The following PCNX4 variants were observed in gnomAD, a reference collection of about 807,000 sequenced individuals.
PCNX4 encodes the protein pecanex-like protein 4.
Under a neutral mutation model 107.2 loss-of-function variants are expected in PCNX4, and 103 were observed. That is an observed-to-expected ratio of 0.96 (90% CI 0.82 to 1.13). The LOEUF is 1.13. Ranked by LOEUF, PCNX4 falls within the 50% of genes most tolerant of loss-of-function variation. The pLI, the probability that PCNX4 is intolerant of heterozygous loss-of-function variation, is 0.00. For synonymous variants in PCNX4, 541 were observed against 481.7 expected (o/e 1.12, Z -1.61); for missense variants, 1,528 against 1,379.4 (o/e 1.11, Z -1.71).
Position 60,132,849 on chromosome 14 carries a change from G to GTATA in PCNX4, c.3268-1121_3268-1120insTATA, listed in dbSNP as rs1896180123. Among the ~76,000 whole-genome samples the GTATA allele has an allele frequency of 2.0e-5, 3 of 152,248 alleles. No individual in the cohort carries two copies. In the South Asian group the frequency reaches 6.2e-4, roughly 32 times the overall value. Reference sequence around the variant, plus strand: ...AGTTGCCAATAAGTACATGAGAAGTGCTCCGTATAATTAGTCATCAGGGAA... The same window carrying GTATA: ...AGTTGCCAATAAGTACATGAGAAGTGTATACTCCGTATAATTAGTCATCAGGGAA... On this transcript the variant is annotated intron_variant, in intron 10 of 10. Transcript: ENST00000406854.
chr14:60,113,719 A>G (rs1895783729), intron 2 of PCNX4, among the ~76,000 whole-genome samples: 1 of 152,142 alleles, frequency 6.6e-6, no homozygotes, highest in African/African-American at 2.4e-5. Context: ...TGGGTATTCA[A>G]GTACAATTAT....
At chr14:60,103,191 A>G (rs1895565813) in intron 1 of PCNX4, among the ~76,000 whole-genome samples, 1 of 152,174 alleles carries the variant, frequency 6.6e-6, no homozygotes, top group South Asian at 2.1e-4. Flanking sequence ...GTTTGGCTCA[A>G]TCTTTAAGAT....
chr14:60,096,631 A>G (rs1895430214), intron 1 of PCNX4, among the ~76,000 whole-genome samples: 1 of 152,226 alleles, frequency 6.6e-6, no homozygotes, highest in South Asian at 2.1e-4. Flanking sequence ...GAGCTAGCCA[A>G]TAAATAACTG....
At chr14:60,096,848 G>A (rs1824369165) in intron 1 of PCNX4, among the ~76,000 whole-genome samples, 1 of 152,148 alleles carries the variant, frequency 6.6e-6, no homozygotes, top group African/African-American at 2.4e-5. Flanking sequence ...AATTTAAAAG[G>A]CCTGTGTAAC....
intron 1 of PCNX4, among the ~76,000 whole-genome samples, chr14:60,095,308 CATAAG>C (rs1206482475): frequency 3.3e-5 from 5 of 152,110 alleles, no homozygotes; most frequent in Admixed American, 6.5e-5. Context: ...CTGCATTTTA[CATAAG>C]ATAACAGACA....
intron 1 of PCNX4, 136 bp from the exon 2 acceptor site, chr14:60,107,450 A>C: frequency 1.8e-6 from 1 of 569,588 alleles, no homozygotes. Flanking sequence ...TATGTGCCAG[A>C]AAGGGGTCTG....
In PCNX4 at chr14:60,133,183, GAAAC is replaced by G. The variant is rs779062102; in HGVS notation, c.3268-782_3268-779del. 1.3e-4 allele frequency among the ~76,000 whole-genome samples: 20 copies of G among 152,248 alleles called. No homozygotes were observed. The East Asian group carries it at 1.9e-3, about 15-fold the overall frequency. ...CATTATTCTTAATTGCTGTAAGGTG[GAAAC>G]AAACCAACTGTACATCAATTGCTGA... On this transcript the variant is annotated intron_variant, in intron 10 of 10. Coordinates refer to ENST00000406854, the MANE Select transcript of PCNX4 (RefSeq NM_001330177.2).
chr14:60,125,910 A>G (rs956164122), intron 10 of PCNX4, 87 bp downstream of exon 10: 17 of 845,786 alleles, frequency 2.0e-5, no homozygotes, highest in Non-Finnish European at 2.8e-5. Context: ...GTGATAAATG[A>G]TATAACGTTA....
At chr14:60,096,657 T>C (rs1209426572) in intron 1 of PCNX4, among the ~76,000 whole-genome samples, 1 of 152,184 alleles carries the variant, frequency 6.6e-6, no homozygotes, top group Non-Finnish European at 1.5e-5. Flanking sequence ...TGGCACCCAA[T>C]GGGTGGCAAG....
In PCNX4 at chr14:60,124,260, C is replaced by T. The variant is rs760664838; in HGVS notation, c.2089C>T (p.Arg697Cys). 3.1e-6 allele frequency: 5 copies of T among 1,602,026 alleles called. No individual in the cohort carries two copies. Among genetic ancestry groups the T allele is most frequent in the East Asian group, 2.2e-5 (1 of 44,600 alleles). Residue 697 changes from arginine to cysteine, a missense_variant, in exon 9 of 11, where the codon CGC becomes TGC. Transcript: ENST00000406854. ...QETSCHTAEA[R>C]RVDEVFEDAF... The stretch of plus-strand genomic sequence containing the variant: ...AACATCCTGTCATACTGCAGAAGCT[C>T]GCAGAGTTGATGAAGTTTTTGAAGA...
chr14:60,126,701 T>C (rs1415353222), intron 10 of PCNX4, among the ~76,000 whole-genome samples: 1 of 152,182 alleles, frequency 6.6e-6, no homozygotes, highest in Non-Finnish European at 1.5e-5. Flanking sequence ...ACGTTTTTAA[T>C]CCTGTCCCAG....
At position 60,134,138 on chromosome 14, in the gene PCNX4, A is replaced by G. The variant is rs1566523214; in HGVS notation, c.3436A>G (p.Arg1146Gly). The G allele has an allele frequency of 1.2e-6, 2 of 1,613,912 alleles. No individual in the cohort carries two copies. Among genetic ancestry groups the G allele is most frequent in the African/African-American group, 2.7e-5 (2 of 75,052 alleles). ...TATACAAGCTCATCCACTACTTTTA[A>G]GAAATCTTACGGTACAAGCAGCAGA... is the stretch of plus-strand genomic sequence containing the variant. ...YSIQAHPLLL[R>G]NLTVQAAEPP... Residue 1146 changes from arginine to glycine, a missense_variant, in exon 11 of 11, where the codon AGA (arginine) becomes GGA (glycine). By Grantham distance (125) the Arg-to-Gly change is moderately radical (BLOSUM62 -2). Coordinates refer to ENST00000406854, the MANE Select transcript of PCNX4 (RefSeq NM_001330177.2).
At chr14:60,133,002 A>G (rs1448664484) in intron 10 of PCNX4, among the ~76,000 whole-genome samples, 2 of 152,276 alleles carry the variant, frequency 1.3e-5, no homozygotes. Context: ...GGAATGTAAA[A>G]TGGTACAGCC....
rs1239749592 is a variant in PCNX4 at position 60,118,705 on chromosome 14, G to A, written c.1942+13G>A. ...GCTGGAAGTTTAGGTAAGTAAATGGGTTGTGCTCAAGAATTTCTCACTAAT... is the reference window on the plus strand; with the variant it reads ...GCTGGAAGTTTAGGTAAGTAAATGGATTGTGCTCAAGAATTTCTCACTAAT... On this transcript the variant is annotated intron_variant, in intron 7 of 10. Coordinates refer to ENST00000406854, the MANE Select transcript of PCNX4 (RefSeq NM_001330177.2). The A allele has an allele frequency of 6.5e-7, 1 of 1,539,292 alleles. No individual in the cohort carries two copies. The highest frequency in any genetic ancestry group is 2.1e-5 in the Admixed American group (1 of 47,560).
chr14:60,132,599 A>G (rs1896174573), intron 10 of PCNX4, among the ~76,000 whole-genome samples: 1 of 152,216 alleles, frequency 6.6e-6, no homozygotes, highest in South Asian at 2.1e-4. Context: ...AAAGAAAAAT[A>G]GATAAATATG....
chr14:60,101,384 C>T (rs920236245), intron 1 of PCNX4, among the ~76,000 whole-genome samples: 4 of 152,062 alleles, frequency 2.6e-5, no homozygotes, highest in Non-Finnish European at 5.9e-5. Flanking sequence ...CGGCTTTTTT[C>T]ATCAACAATT....
chr14:60,115,655 A>G (rs970938066), intron 4 of PCNX4, 64 bp from the exon 5 acceptor site: 121 of 1,454,274 alleles, frequency 8.3e-5, no homozygotes, highest in Admixed American at 4.1e-4. Flanking sequence ...ATTTGCCAGA[A>G]TAAAATATGG....
chr14:60,104,523 T>C (rs1895595035), intron 1 of PCNX4, among the ~76,000 whole-genome samples: 1 of 152,216 alleles, frequency 6.6e-6, no homozygotes, highest in South Asian at 2.1e-4. Context: ...TGTATTCATC[T>C]GTTTTCACAC....
At position 60,143,675 on chromosome 14, in the gene PCNX4, C is replaced by G. The variant is rs1896333627; in HGVS notation, c.*9454C>G. ...TCCATTGCTTCTACCCGCTATACCT[C>G]ATCGTGTACCTCTACCACATGTCAT... On this transcript the variant is annotated 3_prime_UTR_variant, in exon 11 of 11. Transcript: ENST00000406854. 6.6e-6 allele frequency: 1 copy of G among 152,248 alleles called. No individual in the cohort carries two copies. The highest frequency in any genetic ancestry group is 1.5e-5 in the Non-Finnish European group (1 of 68,040). The allele number at this position is 152,248 out of a possible 1,614,324, so 9.4% of individuals were successfully genotyped here.
Sources: gnomAD v4.1 joint callset for allele counts (sites outside exome capture counted in the v4.1 genomes callset) on GRCh38, gnomAD v4.1.1 for gene constraint, MANE v1.5 for transcripts, NCBI Gene and HGNC (gene_info 2026-07-23, HGNC 2026-07-21) for gene names.